SDK1: variants seen among roughly 807,000 people sequenced by gnomAD.
SDK1 encodes the protein sidekick cell adhesion molecule 1, also known as protein sidekick-1.
A neutral mutation model predicts 245.5 loss-of-function variants in SDK1; 157 were observed. That is an observed-to-expected ratio of 0.64 (90% CI 0.56 to 0.73). SDK1 has a LOEUF of 0.73. Ranked by LOEUF, SDK1 falls within the 30% of genes least tolerant of loss-of-function variation. SDK1 has a pLI of 0.00. For synonymous variants in SDK1, 1,647 were observed against 1,278.5 expected, an observed-to-expected ratio of 1.29 and a Z score of -6.15; for missense variants, 3,583 against 3,002.3, an observed-to-expected ratio of 1.19 and a Z score of -4.52.
At chr7:4,217,120 C>T (rs1241341774) in intron 38 of SDK1, among the ~76,000 whole-genome samples, 2 of 73,978 alleles carry the variant, frequency 2.7e-5, no homozygotes, top group African/African-American at 1.1e-4. Flanking sequence ...CCCGGAGCAC[C>T]ACACCACCCG....
At chr7:3,780,897 G>A (rs1780711814) in intron 4 of SDK1, among the ~76,000 whole-genome samples, 1 of 152,050 alleles carries the variant, frequency 6.6e-6, no homozygotes. Context: ...GAAATGAAGG[G>A]GTTAGATCAG....
intron 15 of SDK1, among the ~76,000 whole-genome samples, chr7:4,011,696 G>A (rs918881617): frequency 6.6e-6 from 1 of 152,192 alleles, no homozygotes; most frequent in African/African-American, 2.4e-5. Flanking sequence ...AGCTGTAAAT[G>A]CCTTTCTTTT....
chr7:4,074,202 A>G (rs1204603801), intron 20 of SDK1, among the ~76,000 whole-genome samples: 3 of 152,124 alleles, frequency 2.0e-5, no homozygotes, highest in Non-Finnish European at 4.4e-5. Flanking sequence ...ATCTTAGACT[A>G]AACTTCTTTG....
intron 4 of SDK1, among the ~76,000 whole-genome samples, chr7:3,798,441 T>G (rs1414641590): frequency 6.6e-6 from 1 of 152,132 alleles, no homozygotes; most frequent in East Asian, 1.9e-4. Context: ...ATGGTCTTGA[T>G]CTCCTGACCT....
intron 25 of SDK1, among the ~76,000 whole-genome samples, chr7:4,122,540 C>G (rs1414777356): frequency 6.6e-6 from 1 of 152,200 alleles, no homozygotes; most frequent in African/African-American, 2.4e-5. Flanking sequence ...CTCGGAGCCA[C>G]ATTTCAATGA....
At chr7:4,243,045 G>T (rs1786629595) in intron 43 of SDK1, among the ~76,000 whole-genome samples, 1 of 152,200 alleles carries the variant, frequency 6.6e-6, no homozygotes, top group African/African-American at 2.4e-5. Flanking sequence ...TGTCTACTGG[G>T]AGGCAAGTTT....
intron 22 of SDK1, among the ~76,000 whole-genome samples, chr7:4,108,550 C>T (rs1364137444): frequency 6.6e-6 from 1 of 152,166 alleles, no homozygotes; most frequent in Non-Finnish European, 1.5e-5. Context: ...TTCCTAATTA[C>T]ACCACCCTGT....
chr7:3,660,297 C>T (rs773876226), intron 4 of SDK1, among the ~76,000 whole-genome samples: 8 of 151,942 alleles, frequency 5.3e-5, no homozygotes, highest in Non-Finnish European at 8.8e-5. Context: ...GGCCCAATAC[C>T]ATGGACCACC....
chr7:4,056,622 C>T (rs551359155), intron 19 of SDK1, among the ~76,000 whole-genome samples: 1 of 152,086 alleles, frequency 6.6e-6, no homozygotes, highest in Non-Finnish European at 1.5e-5. Context: ...TCCTGCAATC[C>T]GAGCCACAGG....
At chr7:3,871,920 A>T (rs1780965697) in intron 5 of SDK1, among the ~76,000 whole-genome samples, 1 of 152,210 alleles carries the variant, frequency 6.6e-6, no homozygotes, top group South Asian at 2.1e-4. Flanking sequence ...TTACCATTAA[A>T]TCTGATGTTA....
In SDK1 at chr7:3,480,118, C is replaced by T. The variant is rs544536243; in HGVS notation, c.299-138962C>T. On this transcript the variant is annotated intron_variant, in intron 1 of 44. Transcript: ENST00000404826. ...TTAAGCTTGCTGATCATTTCGTTTT[C>T]AAATACAGAGCTAATCTTGGATTAT... Among the ~76,000 whole-genome samples the T allele has an allele frequency of 3.9e-4, 60 of 152,218 alleles. 1 individual carries two copies. Among genetic ancestry groups the T allele is most frequent in the South Asian group, 6.2e-4 (3 of 4,828 alleles).
intron 4 of SDK1, among the ~76,000 whole-genome samples, chr7:3,797,456 TATACACAC>T (rs1334612301): frequency 4.9e-5 from 4 of 81,488 alleles, no homozygotes; most frequent in African/African-American, 5.4e-5. Context: ...GAGGGGTGTG[TATACACAC>T]ACACACACAC....
chr7:4,243,203 G>A (rs150770793), intron 43 of SDK1, among the ~76,000 whole-genome samples: 8 of 152,338 alleles, frequency 5.3e-5, no homozygotes, highest in Non-Finnish European at 1.0e-4. Flanking sequence ...ACACAGCCTT[G>A]AAGCACATTG....
chr7:3,735,165 A>G (rs1779284650), intron 4 of SDK1, among the ~76,000 whole-genome samples: 1 of 152,192 alleles, frequency 6.6e-6, no homozygotes, highest in African/African-American at 2.4e-5. Flanking sequence ...AAAAAAATTA[A>G]TTGTGGTAGA....
intron 2 of SDK1, among the ~76,000 whole-genome samples, chr7:3,637,349 G>C (rs912165117): frequency 6.6e-6 from 1 of 152,032 alleles, no homozygotes; most frequent in South Asian, 2.1e-4. Context: ...TGCCTGCCTC[G>C]GCCTCCCAAA....
intron 40 of SDK1, among the ~76,000 whole-genome samples, chr7:4,232,041 AC>A: frequency 8.9e-6 from 1 of 112,574 alleles, no homozygotes; most frequent in East Asian, 3.2e-4. Flanking sequence ...CTCTGAGCCT[AC>A]TTTTTTTTTT....
intron 1 of SDK1, among the ~76,000 whole-genome samples, chr7:3,490,761 C>T (rs1276584780): frequency 6.6e-6 from 1 of 152,212 alleles, no homozygotes; most frequent in African/African-American, 2.4e-5. Context: ...TCCTGTCTTA[C>T]AGTCTCAGGC....
chr7:3,888,766 G>A (rs1007582481), intron 5 of SDK1, among the ~76,000 whole-genome samples: 1 of 152,182 alleles, frequency 6.6e-6, no homozygotes, highest in East Asian at 1.9e-4. Flanking sequence ...CAGACATATT[G>A]TGAGAAGCCA....
At chr7:4,188,556 G>C (rs1783016828) in intron 35 of SDK1, among the ~76,000 whole-genome samples, 1 of 151,834 alleles carries the variant, frequency 6.6e-6, no homozygotes, top group South Asian at 2.1e-4. Flanking sequence ...TGTTTAAGTG[G>C]TTGTGTGCTC....
Sources: gnomAD v4.1 joint callset for allele counts (sites outside exome capture counted in the v4.1 genomes callset) on GRCh38, gnomAD v4.1.1 for gene constraint, MANE v1.5 for transcripts, NCBI Gene and HGNC (gene_info 2026-07-23, HGNC 2026-07-21) for gene names.